The following MAP4K4 variants were observed in gnomAD, a reference collection of about 807,000 sequenced individuals.
MAP4K4 encodes HPK/GCK-like kinase HGK.
A neutral mutation model predicts 189.6 loss-of-function variants in MAP4K4; 38 were observed. The observed-to-expected ratio is 0.20, with a 90% CI of 0.15 to 0.26. The LOEUF is 0.26. Among genes scored for constraint, MAP4K4 ranks in the 10% least tolerant of loss-of-function variants. The pLI, the probability that MAP4K4 is intolerant of heterozygous loss-of-function variation, is 1.00. For synonymous variants in MAP4K4, 610 were observed against 624.3 expected (o/e 0.98, Z 0.34); for missense variants, 1,054 against 1,726.9 (o/e 0.61, Z 6.91).
intron 2 of MAP4K4, among the ~76,000 whole-genome samples, chr2:101,785,308 G>A (rs1295297008): frequency 6.6e-6 from 1 of 152,224 alleles, no homozygotes; most frequent in Non-Finnish European, 1.5e-5. Context: ...TGAGTCACGT[G>A]CACTTTCTTG....
intron 2 of MAP4K4, among the ~76,000 whole-genome samples, chr2:101,702,652 C>T (rs1219874772): frequency 6.6e-6 from 1 of 152,158 alleles, no homozygotes; most frequent in Non-Finnish European, 1.5e-5. Flanking sequence ...AATCCGGTAA[C>T]AGTAACGTGG....
At chr2:101,768,898 C>T (rs2079957877) in intron 2 of MAP4K4, among the ~76,000 whole-genome samples, 1 of 152,180 alleles carries the variant, frequency 6.6e-6, no homozygotes, top group Non-Finnish European at 1.5e-5. Flanking sequence ...TCTCAATAGG[C>T]ACAGGATGTC....
exon 1 of MAP4K4, chr2:101,697,986 G>T: frequency 1.2e-6 from 1 of 850,582 alleles, no homozygotes; most frequent in Non-Finnish European, 1.6e-6. Context: ...CGGCTGCCGC[G>T]CGAGGAGCGC....
At chr2:101,805,072 CAAAAA>C (rs36081384) in intron 3 of MAP4K4, among the ~76,000 whole-genome samples, 3 of 56,422 alleles carry the variant, frequency 5.3e-5, no homozygotes, top group South Asian at 5.6e-4. Context: ...GACTCCAGAT[CAAAAA>C]AAAAAAAAAA....
chr2:101,762,519 T>G (rs188238865), intron 2 of MAP4K4, among the ~76,000 whole-genome samples: 310 of 152,310 alleles, frequency 2.0e-3, no homozygotes, highest in Non-Finnish European at 2.9e-3. Context: ...CATTCAACCC[T>G]GAGTACAGAA....
intron 8 of MAP4K4, among the ~76,000 whole-genome samples, chr2:101,835,283 T>C (rs972237119): frequency 2.0e-5 from 3 of 152,194 alleles, no homozygotes; most frequent in Non-Finnish European, 4.4e-5. Flanking sequence ...CCAGATGCCT[T>C]GTAAGGGTCT....
intron 1 of MAP4K4, 81 bp from the exon 2 acceptor site, chr2:101,698,392 T>C: frequency 2.3e-6 from 3 of 1,321,354 alleles, no homozygotes; most frequent in Non-Finnish European, 3.3e-6. Context: ...GTCACCGCCT[T>C]TTCTCTCCAA....
intron 2 of MAP4K4, among the ~76,000 whole-genome samples, chr2:101,720,874 TCA>T (rs2051481645): frequency 6.6e-6 from 1 of 152,236 alleles, no homozygotes. Context: ...GCATAGTTGA[TCA>T]CATATTTTGC....
intron 2 of MAP4K4, among the ~76,000 whole-genome samples, chr2:101,705,934 G>A (rs1387969087): frequency 1.3e-5 from 2 of 152,118 alleles, no homozygotes; most frequent in African/African-American, 4.8e-5. Context: ...TTTGACCCCT[G>A]TGCTTTGGAA....
intron 31 of MAP4K4, 119 bp downstream of exon 31, chr2:101,888,056 T>C (rs998465708): frequency 2.6e-6 from 2 of 776,354 alleles, no homozygotes; most frequent in Non-Finnish European, 3.9e-6. Flanking sequence ...TTGAACAGAG[T>C]AGTTGGCAGT....
intron 2 of MAP4K4, among the ~76,000 whole-genome samples, chr2:101,741,720 G>C (rs756268039): frequency 6.6e-6 from 1 of 152,214 alleles, no homozygotes. Context: ...AGGACGACTG[G>C]TTTAGTTTTT....
chr2:101,797,462 T>C (rs1465623984), intron 3 of MAP4K4: 4 of 1,172,302 alleles, frequency 3.4e-6, no homozygotes, highest in Admixed American at 2.5e-5. Context: ...CTTCTTATCT[T>C]CTGCTTTTCC....
intron 3 of MAP4K4, among the ~76,000 whole-genome samples, chr2:101,820,199 C>G (rs1036982903): frequency 2.6e-5 from 4 of 152,100 alleles, no homozygotes; most frequent in Non-Finnish European, 5.9e-5. Flanking sequence ...GCTCAGGAAG[C>G]CTTTCATGGG....
intron 2 of MAP4K4, among the ~76,000 whole-genome samples, chr2:101,730,805 T>C (rs1026178180): frequency 3.3e-5 from 5 of 152,068 alleles, no homozygotes; most frequent in Admixed American, 6.6e-5. Context: ...CCCAGCACTT[T>C]GGGAGGCCGA....
At chr2:101,867,917 A>C in intron 20 of MAP4K4, 112 bp from the exon 21 acceptor site, 1 of 1,022,260 alleles carries the variant, frequency 9.8e-7, no homozygotes, top group Non-Finnish European at 1.5e-6. Context: ...TTCCTGCTTG[A>C]ACTGATTTCT....
At chr2:101,792,571 T>TA (rs996414398) in intron 3 of MAP4K4, among the ~76,000 whole-genome samples, 3 of 149,498 alleles carry the variant, frequency 2.0e-5, no homozygotes, top group African/African-American at 7.6e-5. Context: ...GTTAAATCCT[T>TA]ATACTTACTG....
intron 18 of MAP4K4, 118 bp from the exon 19 acceptor site, chr2:101,866,309 TG>T (rs879134142): frequency 2.5e-6 from 2 of 814,464 alleles, no homozygotes; most frequent in Admixed American, 5.8e-5. Flanking sequence ...GTTTATAGAC[TG>T]TTTTTTGTCT....
At chr2:101,775,333 T>C (rs1163847956) in intron 2 of MAP4K4, among the ~76,000 whole-genome samples, 2 of 151,552 alleles carry the variant, frequency 1.3e-5, no homozygotes, top group African/African-American at 4.9e-5. Flanking sequence ...CTGCTTGTAT[T>C]TCCTGTGAAA....
chr2:101,698,186 G>A (rs186961704), intron 1 of MAP4K4, 49 bp downstream of exon 1: 2 of 911,864 alleles, frequency 2.2e-6, no homozygotes, highest in Non-Finnish European at 1.3e-6. Flanking sequence ...GCCGGCAGCC[G>A]GCAGCCGGGG....
Sources: allele counts gnomAD v4.1 joint callset (sites outside exome capture counted in the v4.1 genomes callset), GRCh38; gene constraint gnomAD v4.1.1; transcripts MANE v1.5; gene names NCBI Gene and HGNC (gene_info 2026-07-23, HGNC 2026-07-21).